NYAP2: variants seen among roughly 807,000 people sequenced by gnomAD.
NYAP2 encodes the protein neuronal tyrosine-phosphorylated phosphoinositide-3-kinase adaptor 2.
In NYAP2, 23 loss-of-function variants were observed where a neutral mutation model predicts 50.4. That is an observed-to-expected ratio of 0.46 (90% CI 0.33 to 0.65). NYAP2 has a LOEUF of 0.65. NYAP2 is among the 30% of genes least tolerant of loss of function. NYAP2 has a pLI of 0.02. For missense variants in NYAP2, 885 were observed against 861.0 expected (o/e 1.03, Z -0.35); for synonymous variants, 394 against 365.2 (o/e 1.08, Z -0.90).
intron 3 of NYAP2, among the ~76,000 whole-genome samples, chr2:225,512,837 C>G (rs1006117948): frequency 1.4e-5 from 1 of 72,034 alleles, no homozygotes; most frequent in African/African-American, 6.5e-5. Flanking sequence ...CTCTCTCTCT[C>G]TTTCTTTCTT....
intron 3 of NYAP2, among the ~76,000 whole-genome samples, chr2:225,511,620 G>C (rs879449026): frequency 7.2e-5 from 11 of 152,262 alleles, no homozygotes; most frequent in Admixed American, 6.5e-4. Context: ...TTTGGGTTGA[G>C]TGGCAAGTTA....
At chr2:225,433,575 G>A (rs1186618636) in intron 3 of NYAP2, among the ~76,000 whole-genome samples, 2 of 151,928 alleles carry the variant, frequency 1.3e-5, no homozygotes, top group African/African-American at 2.4e-5. Flanking sequence ...GTCTATTTTA[G>A]TTTGTATGAG....
chr2:225,571,120 C>T (rs1385331170), intron 4 of NYAP2, among the ~76,000 whole-genome samples: 1 of 152,252 alleles, frequency 6.6e-6, no homozygotes, highest in Non-Finnish European at 1.5e-5. Context: ...CTCCCATGGC[C>T]TTGGGCAGCT....
chr2:225,470,809 A>ATGTG (rs1339042384), intron 3 of NYAP2, among the ~76,000 whole-genome samples: 3 of 133,664 alleles, frequency 2.2e-5, no homozygotes, highest in African/African-American at 1.1e-4. Context: ...ATATGTATGT[A>ATGTG]TATGTGTGTG....
At chr2:225,607,079 AT>A (rs1316275381) in intron 5 of NYAP2, among the ~76,000 whole-genome samples, 1 of 152,146 alleles carries the variant, frequency 6.6e-6, no homozygotes, top group Non-Finnish European at 1.5e-5. Flanking sequence ...ATTTCTTGTC[AT>A]GTATTAAGGC....
At chr2:225,460,865 C>CACCTGT (rs1039544721) in intron 3 of NYAP2, among the ~76,000 whole-genome samples, 1 of 151,778 alleles carries the variant, frequency 6.6e-6, no homozygotes, top group Non-Finnish European at 1.5e-5. Flanking sequence ...TGGTGGCAGG[C>CACCTGT]ACCTGTAGGC....
chr2:225,686,507 T>C, the NYAP2 span, among the ~76,000 whole-genome samples: 161 of 152,252 alleles, frequency 1.1e-3, 1 homozygote, highest in African/African-American at 3.7e-3. Context: ...TGAATATACT[T>C]ACAGAAGCAT....
intron 5 of NYAP2, among the ~76,000 whole-genome samples, chr2:225,620,843 C>T (rs1036360353): frequency 7.2e-5 from 11 of 152,228 alleles, no homozygotes; most frequent in Middle Eastern, 3.4e-3. Context: ...GGGCCAGGCG[C>T]GGTGGCTCAC....
At chr2:225,475,683 A>G (rs1332348161) in intron 3 of NYAP2, among the ~76,000 whole-genome samples, 3 of 152,308 alleles carry the variant, frequency 2.0e-5, no homozygotes, top group Non-Finnish European at 2.9e-5. Context: ...ATATTTTGCA[A>G]TTGAGTAGAG....
chr2:225,621,592 C>A (rs1238704168), intron 5 of NYAP2, among the ~76,000 whole-genome samples: 1 of 151,904 alleles, frequency 6.6e-6, no homozygotes, highest in Non-Finnish European at 1.5e-5. Context: ...GTGAACTATG[C>A]ACTTAAAAAT....
chr2:225,418,967 G>T (rs549385956), intron 3 of NYAP2, among the ~76,000 whole-genome samples: 2 of 152,176 alleles, frequency 1.3e-5, no homozygotes, highest in Non-Finnish European at 2.9e-5. Context: ...TACAGGTACA[G>T]ATCTCTAGAA....
At chr2:225,651,191 G>A (rs1385638688) in intron 6 of NYAP2, among the ~76,000 whole-genome samples, 1 of 152,196 alleles carries the variant, frequency 6.6e-6, no homozygotes, top group African/African-American at 2.4e-5. Context: ...GAGGTAAAAT[G>A]TGCAAAGGCA....
At chr2:225,695,620 T>C in the NYAP2 span, among the ~76,000 whole-genome samples, 1 of 151,782 alleles carries the variant, frequency 6.6e-6, no homozygotes, top group Non-Finnish European at 1.5e-5. Flanking sequence ...GAATTCTGTG[T>C]TATAAATTTC....
At chr2:225,700,720 G>T in the NYAP2 span, 1 of 151,786 alleles carries the variant, frequency 6.6e-6, no homozygotes, top group East Asian at 1.9e-4. Flanking sequence ...GTATGGTGAT[G>T]ATTAACCCTC....
At chr2:225,635,358 T>C (rs1324276858) in intron 6 of NYAP2, among the ~76,000 whole-genome samples, 2 of 152,228 alleles carry the variant, frequency 1.3e-5, no homozygotes, top group African/African-American at 4.8e-5. Context: ...AAAACACTGC[T>C]GTGACCCACT....
chr2:225,516,476 A>G (rs548047329), intron 4 of NYAP2, among the ~76,000 whole-genome samples: 36 of 152,228 alleles, frequency 2.4e-4, no homozygotes, highest in African/African-American at 8.2e-4. Context: ...AGTTGTCGGG[A>G]CCCAGTGCAG....
At chr2:225,615,435 A>G (rs899946586) in intron 5 of NYAP2, among the ~76,000 whole-genome samples, 1 of 151,626 alleles carries the variant, frequency 6.6e-6, no homozygotes, top group South Asian at 2.1e-4. Context: ...GTATTCTGAT[A>G]AAAAAAAAGA....
chr2:225,664,610 T>C, the NYAP2 span, among the ~76,000 whole-genome samples: 1 of 152,140 alleles, frequency 6.6e-6, no homozygotes, highest in Non-Finnish European at 1.5e-5. Flanking sequence ...GGCTTATGCC[T>C]GTAATCCCAG....
At chr2:225,622,874 C>T (rs1693146423) in intron 5 of NYAP2, among the ~76,000 whole-genome samples, 1 of 152,134 alleles carries the variant, frequency 6.6e-6, no homozygotes, top group Admixed American at 6.6e-5. Context: ...CTTCAGCCAC[C>T]ATGCCCAGCC....
Sources: allele counts gnomAD v4.1 joint callset (sites outside exome capture counted in the v4.1 genomes callset), GRCh38; gene constraint gnomAD v4.1.1; transcripts MANE v1.5; gene names NCBI Gene and HGNC (gene_info 2026-07-23, HGNC 2026-07-21).